The following ANO3 variants were observed in gnomAD, a reference collection of about 807,000 sequenced individuals.
The protein encoded by ANO3 is anoctamin-3.
ANO3 carries 99 observed loss-of-function variants against 144.8 expected under a neutral mutation model. The observed-to-expected ratio is 0.68, with a 90% CI of 0.58 to 0.81. The LOEUF (loss-of-function observed/expected upper bound fraction) is 0.81. Among genes scored for constraint, ANO3 ranks in the 30% least tolerant of loss-of-function variants. ANO3 has a pLI of 0.00. For missense variants in ANO3, 905 were observed against 1,202.2 expected (o/e 0.75, Z 3.66); for synonymous variants, 414 against 392.6 (o/e 1.05, Z -0.64).
At chr11:26,582,180 C>T (rs1477992950) in intron 14 of ANO3, among the ~76,000 whole-genome samples, 2 of 152,112 alleles carry the variant, frequency 1.3e-5, no homozygotes, top group African/African-American at 4.8e-5. Flanking sequence ...CACTGCTGTT[C>T]CTGTATGTTC....
intron 18 of ANO3, among the ~76,000 whole-genome samples, chr11:26,625,686 A>T (rs1029715369): frequency 1.3e-5 from 2 of 152,140 alleles, no homozygotes; most frequent in Admixed American, 6.5e-5. Flanking sequence ...ATTCAGACAC[A>T]TCAAGTATTA....
intron 14 of ANO3, among the ~76,000 whole-genome samples, chr11:26,580,076 A>C (rs889008765): frequency 1.5e-5 from 2 of 129,836 alleles, no homozygotes; most frequent in Non-Finnish European, 3.4e-5. Context: ...AGAATGGAAA[A>C]AATCACAAAT....
At chr11:26,194,439 G>GGTGTGTGTGTGTGTGTGT (rs1161631402) in intron 1 of ANO3, among the ~76,000 whole-genome samples, 4 of 60,608 alleles carry the variant, frequency 6.6e-5, no homozygotes, top group African/African-American at 1.4e-4. Flanking sequence ...GGTACATAGT[G>GGTGTGTGTGTGTGTGTGT]GTGTGTGTGT....
intron 14 of ANO3, among the ~76,000 whole-genome samples, chr11:26,566,606 T>G (rs1850594636): frequency 6.6e-6 from 1 of 151,934 alleles, no homozygotes; most frequent in Non-Finnish European, 1.5e-5. Context: ...GGATATTCTT[T>G]AATCTTACTC....
chr11:26,307,573 GC>G (rs370762562), upstream of ANO3, among the ~76,000 whole-genome samples: 1,238 of 151,878 alleles, frequency 8.2e-3, 15 homozygotes, highest in African/African-American at 0.027. Context: ...GCAAAAATTA[GC>G]CAGACATGGT....
chr11:26,611,445 T>A (rs1852095357), intron 17 of ANO3, among the ~76,000 whole-genome samples: 1 of 152,172 alleles, frequency 6.6e-6, no homozygotes, highest in Non-Finnish European at 1.5e-5. Flanking sequence ...TTATTTCTAG[T>A]TTTGTAATAT....
rs1185374304 is a variant in ANO3 at position 26,663,014 on chromosome 11, A to T, written c.*2570A>T. ...TTGTCTTTTCAAGCAAATAACTAAT[A>T]TATATGTGCATGCAGTCTGCCTTGA... On this transcript the variant is annotated 3_prime_UTR_variant, in exon 27 of 27. Coordinates refer to ENST00000256737, the MANE Select transcript of ANO3 (RefSeq NM_031418.4). 6.6e-6 allele frequency: 1 copy of T among 152,480 alleles called. No individual in the cohort carries two copies. The highest frequency in any genetic ancestry group is 1.5e-5 in the Non-Finnish European group (1 of 67,990). The allele number at this position is 152,480 out of a possible 1,614,324, so 9.4% of individuals were successfully genotyped here.
At chr11:26,282,127 G>T (rs1459573476) in intron 1 of ANO3, among the ~76,000 whole-genome samples, 3 of 152,136 alleles carry the variant, frequency 2.0e-5, no homozygotes, top group African/African-American at 7.2e-5. Context: ...CCATTAGCCT[G>T]CTTCGGAGGG....
chr11:26,597,336 T>C lies in ANO3; in HGVS notation c.1448-1029T>C, dbSNP rs2132920531. On this transcript the variant is annotated intron_variant, in intron 14 of 26. Coordinates refer to ENST00000256737, the MANE Select transcript of ANO3 (RefSeq NM_031418.4). The stretch of plus-strand genomic sequence containing the variant: ...AGTGATATAGCTCTATTAGAAGCCA[T>C]GGGTCACAGAAGGAACCATGGAACC... Among the ~76,000 whole-genome samples, 4 of 152,252 alleles carry C rather than the reference T, an allele frequency of 2.6e-5. No homozygotes were observed. In the South Asian group the frequency reaches 8.3e-4, roughly 32 times the overall value.
Position 26,223,408 on chromosome 11 carries a change from CACAACCACTTA to C in ANO3, c.154+34083_154+34093del, listed in dbSNP as rs1349150926. 2.0e-5 allele frequency among the ~76,000 whole-genome samples: 3 copies of C among 152,078 alleles called. No individual in the cohort carries two copies. The East Asian group carries it at 5.9e-4, about 30-fold the overall frequency. On this transcript the variant is annotated intron_variant, in intron 1 of 27. Transcript: ENST00000672621. The stretch of plus-strand genomic sequence containing the variant: ...TCTATATTTCTATCAGCATTTTGGT[CACAACCACTTA>C]ACAAGTCTCTAGGAAGCTCTAAACT...
At chr11:26,546,737 C>T (rs192982926) in intron 11 of ANO3, among the ~76,000 whole-genome samples, 4 of 152,132 alleles carry the variant, frequency 2.6e-5, no homozygotes, top group African/African-American at 7.2e-5. Context: ...AACGCATTAA[C>T]TCTCTTAGCA....
chr11:26,246,327 G>A (rs1382127214), intron 1 of ANO3, among the ~76,000 whole-genome samples: 4 of 151,802 alleles, frequency 2.6e-5, no homozygotes, highest in Non-Finnish European at 5.9e-5. Flanking sequence ...ACCAGGAGTG[G>A]TAGTATTTTG....
At chr11:26,505,752 C>A (rs1051200432) in intron 4 of ANO3, among the ~76,000 whole-genome samples, 4 of 152,022 alleles carry the variant, frequency 2.6e-5, no homozygotes, top group Non-Finnish European at 5.9e-5. Flanking sequence ...GCGGGCGGAT[C>A]ACGAGGCCAG....
At chr11:26,639,898 C>A (rs1402626254) in intron 21 of ANO3, among the ~76,000 whole-genome samples, 1 of 152,086 alleles carries the variant, frequency 6.6e-6, no homozygotes, top group Admixed American at 6.6e-5. Flanking sequence ...AATATTGAAG[C>A]TTTGAGTCTA....
chr11:26,615,412 A>T (rs1448838997), intron 17 of ANO3, among the ~76,000 whole-genome samples: 1,893 of 104,952 alleles, frequency 0.018, 37 homozygotes, highest in Admixed American at 0.025. Flanking sequence ...ATATATATAT[A>T]TATTTTTTTT....
chr11:26,283,079 T>G (rs938198970), intron 1 of ANO3, among the ~76,000 whole-genome samples: 2 of 146,856 alleles, frequency 1.4e-5, no homozygotes, highest in Admixed American at 6.7e-5. Context: ...TGAACTATTT[T>G]ACATTATAAT....
intron 14 of ANO3, among the ~76,000 whole-genome samples, chr11:26,592,246 G>C (rs887715729): frequency 3.3e-5 from 5 of 152,074 alleles, no homozygotes; most frequent in Non-Finnish European, 7.4e-5. Flanking sequence ...CAGGCCATGC[G>C]AGGTGGGTTT....
chr11:26,306,363 C>T (rs957811016), upstream of ANO3, among the ~76,000 whole-genome samples: 3 of 152,102 alleles, frequency 2.0e-5, no homozygotes, highest in Non-Finnish European at 4.4e-5. Context: ...TATCTCCTAA[C>T]CTTACCTCTC....
exon 1 of ANO3, chr11:26,189,297 C>G (rs1851431219): frequency 1.0e-6 from 1 of 985,214 alleles, no homozygotes; most frequent in Non-Finnish European, 1.2e-6. Context: ...TTCTAGTCAA[C>G]TGGAACTTCA....
Sources: allele counts gnomAD v4.1 joint callset (sites outside exome capture counted in the v4.1 genomes callset), GRCh38; gene constraint gnomAD v4.1.1; transcripts MANE v1.5; gene names NCBI Gene and HGNC (gene_info 2026-07-23, HGNC 2026-07-21).